FCHSD2: variants seen among roughly 807,000 people sequenced by gnomAD.
FCHSD2 encodes F-BAR and double SH3 domains protein 2.
A neutral mutation model predicts 108.1 loss-of-function variants in FCHSD2; 38 were observed. The observed-to-expected ratio is 0.35, with a 90% CI of 0.27 to 0.46. The LOEUF (loss-of-function observed/expected upper bound fraction) is 0.46, where lower values mean the gene tolerates loss of function less well. FCHSD2 is among the 20% of genes least tolerant of loss of function. The pLI is 1.00. For synonymous variants in FCHSD2, 279 were observed against 314.7 expected (o/e 0.89, Z 1.20); for missense variants, 751 against 897.8 (o/e 0.84, Z 2.09).
chr11:72,875,961 G>A (rs1854960511), intron 12 of FCHSD2, among the ~76,000 whole-genome samples: 1 of 152,206 alleles, frequency 6.6e-6, no homozygotes, highest in Non-Finnish European at 1.5e-5. Context: ...GCTGAGCCCA[G>A]CCCTCTGGCC....
intron 8 of FCHSD2, among the ~76,000 whole-genome samples, chr11:72,968,740 C>A (rs1174241150): frequency 6.6e-6 from 1 of 152,140 alleles, no homozygotes; most frequent in Non-Finnish European, 1.5e-5. Context: ...GAGCATAAGG[C>A]CTGCTTACAG....
intron 8 of FCHSD2, among the ~76,000 whole-genome samples, chr11:72,970,240 GCTCAC>G (rs1856983935): frequency 6.6e-6 from 1 of 152,038 alleles, no homozygotes; most frequent in Non-Finnish European, 1.5e-5. Flanking sequence ...TGCTAACAGT[GCTCAC>G]CACCTCAAGT....
chr11:72,966,238 C>T (rs921135748), intron 8 of FCHSD2, among the ~76,000 whole-genome samples: 5 of 151,080 alleles, frequency 3.3e-5, no homozygotes, highest in South Asian at 4.2e-4. Flanking sequence ...CGGCTCACTG[C>T]AACCTCTGCC....
chr11:73,035,315 A>G (rs1213097043), intron 3 of FCHSD2, among the ~76,000 whole-genome samples: 2 of 151,976 alleles, frequency 1.3e-5, no homozygotes, highest in African/African-American at 4.8e-5. Flanking sequence ...CTGGCACTAC[A>G]GGCACGCACC....
At chr11:72,928,936 T>C (rs943599358) in intron 8 of FCHSD2, among the ~76,000 whole-genome samples, 5 of 150,894 alleles carry the variant, frequency 3.3e-5, no homozygotes, top group Non-Finnish European at 7.4e-5. Context: ...TGTGTTCTCA[T>C]TGTTCAATTC....
intron 8 of FCHSD2, among the ~76,000 whole-genome samples, chr11:72,980,658 T>C (rs1332430237): frequency 9.0e-6 from 1 of 111,062 alleles, no homozygotes; most frequent in Non-Finnish European, 1.9e-5. Flanking sequence ...TATATATGTA[T>C]GTGTATGTGT....
At chr11:72,965,360 C>T (rs1319656230) in intron 8 of FCHSD2, among the ~76,000 whole-genome samples, 2 of 152,148 alleles carry the variant, frequency 1.3e-5, no homozygotes, top group Non-Finnish European at 2.9e-5. Flanking sequence ...TTACTGAGCG[C>T]TCTTCTATGC....
chr11:73,073,892 A>ATCAGT (rs905208685), intron 3 of FCHSD2, among the ~76,000 whole-genome samples: 2 of 152,124 alleles, frequency 1.3e-5, no homozygotes, highest in African/African-American at 4.8e-5. Context: ...TTGTTAAGAT[A>ATCAGT]TCAGTTCCCC....
intron 3 of FCHSD2, among the ~76,000 whole-genome samples, chr11:73,018,139 C>G (rs139167869): frequency 2.0e-5 from 3 of 152,308 alleles, no homozygotes; most frequent in Non-Finnish European, 4.4e-5. Flanking sequence ...ATTGTCACAT[C>G]TGTGGTCTGT....
intron 2 of FCHSD2, among the ~76,000 whole-genome samples, chr11:73,109,259 G>T (rs1860424886): frequency 1.3e-5 from 2 of 152,148 alleles, no homozygotes. Context: ...TTTCTGTGAA[G>T]AATGTCATTG....
intron 8 of FCHSD2, among the ~76,000 whole-genome samples, chr11:72,930,939 T>C (rs1856177167): frequency 6.6e-6 from 1 of 151,994 alleles, no homozygotes; most frequent in African/African-American, 2.4e-5. Context: ...AGAGTGTAAT[T>C]GGATTGTTTG....
At chr11:72,980,747 T>C (rs1240632157) in intron 8 of FCHSD2, among the ~76,000 whole-genome samples, 1 of 150,852 alleles carries the variant, frequency 6.6e-6, no homozygotes, top group East Asian at 1.9e-4. Context: ...TATATGTGTG[T>C]GTATATATAT....
At position 72,958,450 on chromosome 11, in the gene FCHSD2, G is replaced by A. The variant is rs543878691; in HGVS notation, c.705+25638C>T. Reference sequence around the variant, plus strand: ...GGAGAATCACTGGAACCCAGGAGGCGGAGGCTGCAGAGAGCTGAGATCGCA... The same window carrying A: ...GGAGAATCACTGGAACCCAGGAGGCAGAGGCTGCAGAGAGCTGAGATCGCA... On this transcript the variant is annotated intron_variant, in intron 8 of 19. Transcript: ENST00000409418. Among the ~76,000 whole-genome samples the A allele has an allele frequency of 7.9e-5, 12 of 152,252 alleles. No individual in the cohort carries two copies. The East Asian group carries it at 2.1e-3, about 27-fold the overall frequency.
At chr11:73,018,440 A>G (rs1056996396) in intron 3 of FCHSD2, among the ~76,000 whole-genome samples, 5 of 151,926 alleles carry the variant, frequency 3.3e-5, no homozygotes, top group African/African-American at 1.2e-4. Flanking sequence ...ATTTATGCAT[A>G]ATCATCATAC....
chr11:73,141,398 A>T (rs957146071), intron 1 of FCHSD2: 1 of 166,070 alleles, frequency 6.0e-6, no homozygotes, highest in Non-Finnish European at 1.3e-5. Flanking sequence ...CCCTAAGGCT[A>T]GGCTAGAAAC....
At chr11:73,108,450 T>C (rs1860398637) in intron 2 of FCHSD2, among the ~76,000 whole-genome samples, 1 of 152,274 alleles carries the variant, frequency 6.6e-6, no homozygotes, top group Non-Finnish European at 1.5e-5. Context: ...TGCCTGTGCT[T>C]GTGTAGTATT....
intron 3 of FCHSD2, among the ~76,000 whole-genome samples, chr11:73,071,003 G>A (rs1859423395): frequency 6.6e-6 from 1 of 152,122 alleles, no homozygotes. Context: ...TGTTTTATTT[G>A]TCCAATTCCA....
chr11:73,016,952 G>T (rs1857987198), intron 3 of FCHSD2, among the ~76,000 whole-genome samples: 1 of 152,122 alleles, frequency 6.6e-6, no homozygotes. Flanking sequence ...ATTATACAAT[G>T]TATTATGTTT....
At chr11:72,845,965 A>G (rs1015861101) in intron 14 of FCHSD2, among the ~76,000 whole-genome samples, 1 of 152,164 alleles carries the variant, frequency 6.6e-6, no homozygotes, top group Non-Finnish European at 1.5e-5. Context: ...GCACTGATAC[A>G]TGGAAGGTGC....
Sources: gnomAD v4.1 joint callset for allele counts (sites outside exome capture counted in the v4.1 genomes callset) on GRCh38, gnomAD v4.1.1 for gene constraint, MANE v1.5 for transcripts, NCBI Gene and HGNC (gene_info 2026-07-23, HGNC 2026-07-21) for gene names.